NAV3: variants seen among roughly 807,000 people sequenced by gnomAD.
NAV3 encodes neuron navigator 3.
In NAV3, 87 loss-of-function variants were observed where a neutral mutation model predicts 244.7. That is an observed-to-expected ratio of 0.36 (90% CI 0.30 to 0.42). The LOEUF (loss-of-function observed/expected upper bound fraction) is 0.42. NAV3 is among the 20% of genes least tolerant of loss of function. The pLI, the probability that NAV3 is intolerant of heterozygous loss-of-function variation, is 1.00. For missense variants in NAV3, 2,663 were observed against 2,893.3 expected, an observed-to-expected ratio of 0.92 and a Z score of 1.83; for synonymous variants, 1,126 against 1,042.2, an observed-to-expected ratio of 1.08 and a Z score of -1.55.
intron 2 of NAV3, among the ~76,000 whole-genome samples, chr12:77,630,412 C>T (rs1871838618): frequency 6.6e-6 from 1 of 152,226 alleles, no homozygotes; most frequent in African/African-American, 2.4e-5. Flanking sequence ...AGGATTTCAA[C>T]TGAAAACTAT....
chr12:78,146,394 TA>T lies in NAV3; in HGVS notation c.4707+12del, dbSNP rs34144410. On this transcript the variant is annotated splice_donor_region_variant and intron_variant, in intron 21 of 39. Coordinates refer to ENST00000397909, the MANE Select transcript of NAV3 (RefSeq NM_001024383.2). Reference sequence around the variant, plus strand: ...GCTGAAGAAAAGGCTCATTCAGAGGTAAAAAAAAAATATGCAATATTTTAAT... The same window carrying T: ...GCTGAAGAAAAGGCTCATTCAGAGGTAAAAAAAAATATGCAATATTTTAAT... 612,129 of 974,792 alleles carry T rather than the reference TA, an allele frequency of 0.63. 189,755 individuals are homozygous for T. Among genetic ancestry groups the T allele is most frequent in the Admixed American group, 0.73 (25,865 of 35,614 alleles). 60.4% of individuals were successfully genotyped at this position (974,792 alleles called of 1,614,324 possible).
In NAV3 at chr12:77,965,019, A is replaced by G. The variant is rs190301605; in HGVS notation, c.415-1210A>G. Among the ~76,000 whole-genome samples the G allele has an allele frequency of 2.6e-5, 4 of 152,184 alleles. No homozygotes were observed. In the East Asian group the frequency reaches 7.7e-4, roughly 29 times the overall value. ...TTGCTATGAAGCTAAGCTAGGGAGG[A>G]CATTGGCAGAACTCTGTGTGTCCTC... On this transcript the variant is annotated intron_variant, in intron 3 of 39. Transcript: ENST00000397909.
chr12:77,880,567 A>G (rs530072125), intron 1 of NAV3, among the ~76,000 whole-genome samples: 27 of 152,230 alleles, frequency 1.8e-4, no homozygotes, highest in Admixed American at 3.3e-4. Flanking sequence ...CTACTCTGCC[A>G]ATTATGACCA....
rs111942943 is a variant in NAV3 at position 77,956,725 on chromosome 12, C to CTTATTTATTTATTTAT, written c.415-9485_415-9470dup. On this transcript the variant is annotated intron_variant, in intron 3 of 39. Coordinates refer to ENST00000397909, the MANE Select transcript of NAV3 (RefSeq NM_001024383.2). ...TTGTCTAACCTTATATAAAATCCAA[C>CTTATTTATTTATTTAT]TTATTTATTTATTTATTTATTTATT... Among the ~76,000 whole-genome samples, 371 of 149,618 alleles carry CTTATTTATTTATTTAT rather than the reference C, an allele frequency of 2.5e-3. 1 individual carries two copies. Among genetic ancestry groups the CTTATTTATTTATTTAT allele is most frequent in the African/African-American group, 7.0e-3 (286 of 40,588 alleles).
intron 12 of NAV3, among the ~76,000 whole-genome samples, chr12:78,059,963 GTGTGTGTGTGTGTGTGTGTC>G (rs1311586544): frequency 6.7e-6 from 1 of 149,734 alleles, no homozygotes; most frequent in Non-Finnish European, 1.5e-5. Context: ...TCTTAAAGAT[GTGTGTGTGTGTGTGTGTGTC>G]TGTGTGTGTG....
chr12:77,868,920 A>C (rs1234247133), intron 1 of NAV3, among the ~76,000 whole-genome samples: 3 of 151,974 alleles, frequency 2.0e-5, no homozygotes, highest in African/African-American at 7.2e-5. Flanking sequence ...AAATACAAAA[A>C]AATTAGCTGG....
intron 8 of NAV3, among the ~76,000 whole-genome samples, chr12:78,018,768 C>T (rs1203129874): frequency 1.3e-5 from 2 of 152,196 alleles, no homozygotes; most frequent in East Asian, 3.9e-4. Context: ...CACAGTTTCA[C>T]TACATACTCT....
In NAV3 at chr12:78,110,367, C is replaced by T. The variant is rs182390814; in HGVS notation, c.2637-6405C>T. Among the ~76,000 whole-genome samples the T allele has an allele frequency of 1.3e-4, 20 of 152,126 alleles. 1 individual carries two copies. In the East Asian group the frequency reaches 3.9e-3, roughly 29 times the overall value. ...ATTAAAATGACCATACTTCCCAAAG[C>T]AATTTCCACATTCAATGCAATTTCT... On this transcript the variant is annotated intron_variant, in intron 12 of 39. Transcript: ENST00000397909.
chr12:77,853,181 T>C (rs1337222802), intron 1 of NAV3, among the ~76,000 whole-genome samples: 1 of 152,208 alleles, frequency 6.6e-6, no homozygotes, highest in East Asian at 1.9e-4. Context: ...TAGCATTTTC[T>C]ATGTAGTGTG....
intron 1 of NAV3, among the ~76,000 whole-genome samples, chr12:77,928,815 C>T (rs1216496443): frequency 6.6e-6 from 1 of 152,108 alleles, no homozygotes; most frequent in African/African-American, 2.4e-5. Context: ...ATTGTGGCTA[C>T]AATTTTAAAC....
intron 12 of NAV3, among the ~76,000 whole-genome samples, chr12:78,114,963 C>G (rs1955298658): frequency 6.6e-6 from 1 of 152,130 alleles, no homozygotes; most frequent in Non-Finnish European, 1.5e-5. Context: ...AACAATAATT[C>G]TATAAATTTA....
rs147122637 is a variant in NAV3, at chr12:77,915,646, C to G, written c.244-24673C>G. ...AAATTTTGTCAGGATGAGGAGGGTA[C>G]ATTTTCTATATCCCTGAAGATAGTT... On this transcript the variant is annotated intron_variant, in intron 1 of 39. Coordinates refer to ENST00000397909, the MANE Select transcript of NAV3 (RefSeq NM_001024383.2). 3.3e-5 allele frequency among the ~76,000 whole-genome samples: 5 copies of G among 151,994 alleles called. No individual in the cohort carries two copies. The South Asian group carries it at 1.0e-3, about 32-fold the overall frequency.
chr12:78,043,762 C>A (rs191429834), intron 9 of NAV3, among the ~76,000 whole-genome samples: 30 of 152,304 alleles, frequency 2.0e-4, no homozygotes, highest in African/African-American at 7.0e-4. Flanking sequence ...ATATACTTCA[C>A]CCACTTTTTG....
intron 9 of NAV3, among the ~76,000 whole-genome samples, chr12:78,030,755 C>T (rs530996847): frequency 6.6e-6 from 1 of 152,116 alleles, no homozygotes; most frequent in South Asian, 2.1e-4. Context: ...TAAATAGGCA[C>T]ATGGAAACAA....
intron 1 of NAV3, among the ~76,000 whole-genome samples, chr12:77,891,677 C>G (rs1328168168): frequency 2.0e-5 from 3 of 152,216 alleles, no homozygotes; most frequent in African/African-American, 7.2e-5. Flanking sequence ...TTAACAAACA[C>G]TGTTTAGTGA....
At chr12:78,175,738 G>A (rs1023424369) in intron 25 of NAV3, among the ~76,000 whole-genome samples, 8 of 148,190 alleles carry the variant, frequency 5.4e-5, no homozygotes, top group African/African-American at 2.0e-4. Context: ...ATTCACAGAT[G>A]TTATCTAATT....
intron 12 of NAV3, among the ~76,000 whole-genome samples, chr12:78,092,711 A>G (rs2138050910): frequency 6.6e-6 from 1 of 151,994 alleles, no homozygotes; most frequent in South Asian, 2.1e-4. Context: ...TGTGTTAGCC[A>G]GGATGGTCTC....
chr12:78,040,817 A>G (rs1204086016), intron 9 of NAV3, among the ~76,000 whole-genome samples: 1 of 152,116 alleles, frequency 6.6e-6, no homozygotes, highest in Non-Finnish European at 1.5e-5. Context: ...GAAATCTTTC[A>G]TATTGAATCT....
intron 12 of NAV3, among the ~76,000 whole-genome samples, chr12:78,060,653 A>G (rs1413329121): frequency 6.6e-6 from 1 of 152,176 alleles, no homozygotes; most frequent in Non-Finnish European, 1.5e-5. Context: ...ATCGCATCTA[A>G]TTAAATAGAG....
Sources: allele counts gnomAD v4.1 joint callset (sites outside exome capture counted in the v4.1 genomes callset), GRCh38; gene constraint gnomAD v4.1.1; transcripts MANE v1.5; gene names NCBI Gene and HGNC (gene_info 2026-07-23, HGNC 2026-07-21).